FLACC1: variants seen among roughly 807,000 people sequenced by gnomAD.
FLACC1 encodes flagellum-associated coiled-coil domain-containing protein 1.
In FLACC1, 66 loss-of-function variants were observed where a neutral mutation model predicts 62.8. The observed-to-expected ratio is 1.05, with a 90% CI of 0.86 to 1.29. The LOEUF is 1.29. Ranked by LOEUF, FLACC1 falls within the 50% of genes most tolerant of loss-of-function variation. The pLI, the probability that FLACC1 is intolerant of heterozygous loss-of-function variation, is 0.00. For missense variants in FLACC1, 452 were observed against 489.1 expected (o/e 0.92, Z 0.71); for synonymous variants, 156 against 161.0 (o/e 0.97, Z 0.24).
chr2:201,309,313 T>A (rs1950168478), intron 9 of FLACC1, 63 bp from the exon 10 acceptor site: 1 of 1,278,806 alleles, frequency 7.8e-7, no homozygotes, highest in Admixed American at 1.7e-5. Context: ...CTGGAGAGGC[T>A]GTAAAACTCA....
chr2:201,325,956 C>T, intron 9 of FLACC1, among the ~76,000 whole-genome samples: 1 of 152,080 alleles, frequency 6.6e-6, no homozygotes. Flanking sequence ...ACCCCAATAG[C>T]ACATCAAAAA....
chr2:201,306,485 C>T (rs1559392609), intron 11 of FLACC1, among the ~76,000 whole-genome samples: 1 of 152,040 alleles, frequency 6.6e-6, no homozygotes, highest in Non-Finnish European at 1.5e-5. Flanking sequence ...AACTGAATAT[C>T]CATAAGACAA....
chr2:201,299,160 C>G (rs1344449177), intron 12 of FLACC1, 78 bp downstream of exon 12: 1 of 1,328,844 alleles, frequency 7.5e-7, no homozygotes, highest in African/African-American at 1.5e-5. Flanking sequence ...ATCATTGATT[C>G]CATTATACTG....
At chr2:201,315,608 C>T (rs1007036304) in intron 9 of FLACC1, among the ~76,000 whole-genome samples, 13 of 151,996 alleles carry the variant, frequency 8.6e-5, no homozygotes, top group African/African-American at 1.7e-4. Context: ...ATGATAGTGG[C>T]GGACTTCATT....
At chr2:201,322,946 C>A (rs914203937) in intron 9 of FLACC1, among the ~76,000 whole-genome samples, 2 of 151,982 alleles carry the variant, frequency 1.3e-5, no homozygotes, top group Admixed American at 6.5e-5. Context: ...ATACAAAATG[C>A]AGCAGAAAGC....
chr2:201,298,192 A>T (rs1284632835), intron 12 of FLACC1, among the ~76,000 whole-genome samples: 1 of 152,168 alleles, frequency 6.6e-6, no homozygotes, highest in African/African-American at 2.4e-5. Flanking sequence ...GTGTGGTGTC[A>T]AGTACTCAGA....
At chr2:201,289,238 C>G (rs1949668904) in intron 14 of FLACC1, among the ~76,000 whole-genome samples, 1 of 152,154 alleles carries the variant, frequency 6.6e-6, no homozygotes, top group Non-Finnish European at 1.5e-5. Flanking sequence ...AACAAGGACA[C>G]AGGTGAATGG....
Position 201,297,497 on chromosome 2 carries a change from G to A in FLACC1, c.942+1741C>T, listed in dbSNP as rs183502161. On this transcript the variant is annotated intron_variant, in intron 12 of 14. Transcript: ENST00000392257. Reference sequence around the variant, plus strand: ...GAGAAGGTGTGACCAATGAGGTGAAGGAAACACCAGAAGCCCATGAAAGCT... The same window carrying A: ...GAGAAGGTGTGACCAATGAGGTGAAAGAAACACCAGAAGCCCATGAAAGCT... 9.8e-4 allele frequency among the ~76,000 whole-genome samples: 149 copies of A among 152,168 alleles called. 1 individual carries two copies. The highest frequency in any genetic ancestry group is 3.1e-3 in the African/African-American group (129 of 41,532).
At chr2:201,355,868 A>C (rs906781796) in intron 1 of FLACC1, among the ~76,000 whole-genome samples, 7 of 152,132 alleles carry the variant, frequency 4.6e-5, no homozygotes, top group Non-Finnish European at 1.0e-4. Flanking sequence ...CTAAAAAATA[A>C]ATAAATAAAT....
intron 12 of FLACC1, among the ~76,000 whole-genome samples, chr2:201,297,112 G>A (rs1483696765): frequency 6.6e-6 from 1 of 152,150 alleles, no homozygotes; most frequent in Admixed American, 6.5e-5. Flanking sequence ...ACAGCTGAGG[G>A]AGTTGACAAT....
intron 11 of FLACC1, among the ~76,000 whole-genome samples, chr2:201,306,659 T>G (rs1037150225): frequency 2.6e-5 from 4 of 152,120 alleles, no homozygotes; most frequent in African/African-American, 9.7e-5. Flanking sequence ...TCTGTAACCA[T>G]AAAAGTAAAA....
At chr2:201,294,611 A>C (rs1229673817) in intron 12 of FLACC1, among the ~76,000 whole-genome samples, 4 of 152,184 alleles carry the variant, frequency 2.6e-5, no homozygotes, top group Non-Finnish European at 4.4e-5. Flanking sequence ...AAAACTGGCA[A>C]AAGACAGGGA....
At chr2:201,324,032 C>G (rs981298729) in intron 9 of FLACC1, among the ~76,000 whole-genome samples, 1 of 151,878 alleles carries the variant, frequency 6.6e-6, no homozygotes, top group South Asian at 2.1e-4. Context: ...TGTAAATGGC[C>G]TAAACGCTCC....
At chr2:201,333,031 C>T (rs934257143) in intron 7 of FLACC1, among the ~76,000 whole-genome samples, 3 of 152,202 alleles carry the variant, frequency 2.0e-5, no homozygotes, top group Non-Finnish European at 2.9e-5. Flanking sequence ...GGAATACAGA[C>T]ATCTCAACAA....
intron 7 of FLACC1, among the ~76,000 whole-genome samples, chr2:201,334,286 G>A (rs897236386): frequency 1.3e-5 from 2 of 152,110 alleles, no homozygotes; most frequent in Non-Finnish European, 2.9e-5. Flanking sequence ...TGATTTGTGT[G>A]TGTCCAACCG....
chr2:201,305,517 A>T (rs1355139851), intron 11 of FLACC1, among the ~76,000 whole-genome samples: 1 of 152,210 alleles, frequency 6.6e-6, no homozygotes, highest in Non-Finnish European at 1.5e-5. Flanking sequence ...ATTGTGGAAG[A>T]CAGTGTGGCG....
At chr2:201,310,274 A>T (rs1950193669) in intron 9 of FLACC1, among the ~76,000 whole-genome samples, 1 of 152,088 alleles carries the variant, frequency 6.6e-6, no homozygotes, top group Non-Finnish European at 1.5e-5. Context: ...GGAGTATCTT[A>T]AAAAAATGAG....
At chr2:201,338,674 T>C (rs775246540) in intron 7 of FLACC1, among the ~76,000 whole-genome samples, 1 of 152,318 alleles carries the variant, frequency 6.6e-6, no homozygotes, top group African/African-American at 2.4e-5. Flanking sequence ...GATCACATGA[T>C]TTTTGTCCTT....
At chr2:201,312,193 C>T (rs539843475) in intron 9 of FLACC1, among the ~76,000 whole-genome samples, 3 of 152,244 alleles carry the variant, frequency 2.0e-5, no homozygotes, top group Admixed American at 6.5e-5. Flanking sequence ...AAGAATCTGC[C>T]AAAAGGCTCC....
Sources: allele counts gnomAD v4.1 joint callset (sites outside exome capture counted in the v4.1 genomes callset), GRCh38; gene constraint gnomAD v4.1.1; transcripts MANE v1.5; gene names NCBI Gene and HGNC (gene_info 2026-07-23, HGNC 2026-07-21).